The following SEPHS1 variants were observed in gnomAD, a reference collection of about 807,000 sequenced individuals.
The protein encoded by SEPHS1 is zincore component SEPHS1.
In SEPHS1, 7 loss-of-function variants were observed where a neutral mutation model predicts 39.2. The ratio of observed to expected loss-of-function variants is 0.18; its 90% CI spans 0.10 to 0.34. The LOEUF is 0.34. Among genes scored for constraint, SEPHS1 ranks in the 10% least tolerant of loss-of-function variants. The pLI is 1.00. For missense variants in SEPHS1, 253 were observed against 514.5 expected (o/e 0.49, Z 4.92); for synonymous variants, 190 against 195.5 (o/e 0.97, Z 0.23).
chr10:13,344,875 G>T lies in SEPHS1; in HGVS notation c.76C>A (p.Leu26Met). The change falls in exon 2 of 9, where the codon CTG becomes ATG. Residue 26 changes from leucine to methionine, a missense_variant. Transcript: ENST00000327347. ...KSFRLTRFTE[L>M]KGTGCKVPQD... Reference sequence around the variant, plus strand: ...GGCACTTTGCAGCCTGTGCCCTTCAGTTCAGTGAATCTGGTTAGCCGGAAG... The same window carrying T: ...GGCACTTTGCAGCCTGTGCCCTTCATTTCAGTGAATCTGGTTAGCCGGAAG... 6.2e-7 allele frequency: 1 copy of T among 1,606,260 alleles called. No homozygotes were observed. The highest frequency in any genetic ancestry group is 8.5e-7 in the Non-Finnish European group (1 of 1,176,176).
chr10:13,334,769 A>G (rs548496563), intron 4 of SEPHS1, among the ~76,000 whole-genome samples: 1 of 152,330 alleles, frequency 6.6e-6, no homozygotes, highest in Non-Finnish European at 1.5e-5. Flanking sequence ...ATTTTATCCA[A>G]TGCTGGAAGA....
At chr10:13,329,667 C>A in intron 6 of SEPHS1, 31 bp downstream of exon 6, 2 of 1,519,862 alleles carry the variant, frequency 1.3e-6, no homozygotes, top group East Asian at 2.3e-5. Flanking sequence ...TACCATTCCC[C>A]TCCCTCCCAT....
chr10:13,345,068 T>C (rs1397768901), intron 1 of SEPHS1, 40 bp from the exon 2 acceptor site: 6 of 921,230 alleles, frequency 6.5e-6, no homozygotes, highest in Non-Finnish European at 9.3e-6. Context: ...TGAAAAGAAT[T>C]CCCACTGGGA....
At chr10:13,342,290 T>C (rs1193897332) in intron 2 of SEPHS1, among the ~76,000 whole-genome samples, 1 of 110,560 alleles carries the variant, frequency 9.0e-6, no homozygotes, top group East Asian at 2.8e-4. Context: ...GTTAAAAAAA[T>C]AAACATACAG....
intron 7 of SEPHS1, 61 bp from the exon 8 acceptor site, chr10:13,323,108 G>A (rs1169417822): frequency 3.7e-6 from 5 of 1,361,434 alleles, no homozygotes; most frequent in Middle Eastern, 1.8e-4. Context: ...AAAATCTTAC[G>A]TCCACAATTA....
In SEPHS1 at chr10:13,320,398, G is replaced by A. The variant is rs546765050; in HGVS notation, c.965-1042C>T. Reference sequence around the variant, plus strand: ...GGGTTTCACCGTGTTAGCCAGGATGGTCTCGATCTCCTGACCTCGTGATCC... The same window carrying A: ...GGGTTTCACCGTGTTAGCCAGGATGATCTCGATCTCCTGACCTCGTGATCC... On this transcript the variant is annotated intron_variant, in intron 8 of 8. Transcript: ENST00000327347. Among the ~76,000 whole-genome samples, 369 of 151,786 alleles carry A rather than the reference G, an allele frequency of 2.4e-3. 1 individual carries two copies. Among genetic ancestry groups the A allele is most frequent in the Non-Finnish European group, 4.9e-3 (335 of 67,888 alleles).
rs763913646 is a variant in SEPHS1, at chr10:13,344,731, CCAT to C, written c.193+24_193+26del. 222 of 1,431,844 alleles carry C rather than the reference CCAT, an allele frequency of 1.6e-4. 2 individuals carry two copies. In the South Asian group the frequency reaches 1.7e-3, roughly 11 times the overall value. 88.7% of individuals were successfully genotyped at this position (1,431,844 alleles called of 1,614,324 possible). A position where few individuals can be genotyped will look rare whatever the true frequency, so the allele number is the denominator to read the frequency against. ...TTTGACTCACTGATTGGATCGCAGACCATCAAAGAAACACTGGGTTACCTACCA... is the reference window on the plus strand; with the variant it reads ...TTTGACTCACTGATTGGATCGCAGACCAAAGAAACACTGGGTTACCTACCA... On this transcript the variant is annotated intron_variant, in intron 2 of 8. Transcript: ENST00000327347.
Position 13,348,233 on chromosome 10 carries a change from G to C in SEPHS1, c.-312C>G, listed in dbSNP as rs1219521809. Reference sequence around the variant, plus strand: ...GCTCCCGCCGGCTGGGCGCGCGGGGGTCCTTTAAGGCCGGCCACCTCCCTT... The same window carrying C: ...GCTCCCGCCGGCTGGGCGCGCGGGGCTCCTTTAAGGCCGGCCACCTCCCTT... On this transcript the variant is annotated 5_prime_UTR_variant, in exon 1 of 9. Coordinates refer to ENST00000327347, the MANE Select transcript of SEPHS1 (RefSeq NM_012247.5). 6.8e-6 allele frequency: 1 copy of C among 147,874 alleles called. No homozygotes were observed. Among genetic ancestry groups the C allele is most frequent in the East Asian group, 2.0e-4 (1 of 4,942 alleles). 9.2% of individuals were successfully genotyped at this position (147,874 alleles called of 1,614,324 possible). A position where few individuals can be genotyped will look rare whatever the true frequency, so the allele number is the denominator to read the frequency against.
rs570390455 is a variant in SEPHS1 at position 13,333,330 on chromosome 10, T to C, written c.560+487A>G. ...GTATTTTTAGTAGAGATGGGGTTTC[T>C]CCATGTTGGTCAGGCTGGTCTCAAA... On this transcript the variant is annotated intron_variant, in intron 5 of 8. Transcript: ENST00000327347. Among the ~76,000 whole-genome samples, 388 of 151,730 alleles carry C rather than the reference T, an allele frequency of 2.6e-3. 1 individual carries two copies. The highest frequency in any genetic ancestry group is 8.8e-3 in the African/African-American group (364 of 41,320).
rs773102827 is a variant in SEPHS1 at position 13,322,824 on chromosome 10, G to C, written c.964+11C>G. The C allele has an allele frequency of 6.2e-7, 1 of 1,611,492 alleles. No individual in the cohort carries two copies. The highest frequency in any genetic ancestry group is 1.3e-5 in the African/African-American group (1 of 74,980). On this transcript the variant is annotated intron_variant, in intron 8 of 8. Coordinates refer to ENST00000327347, the MANE Select transcript of SEPHS1 (RefSeq NM_012247.5). ...ACTATTTAGTCCTCAGATGCGCCCA[G>C]CATCCTGTACCTGAAGTCTCCGGGC...
intron 3 of SEPHS1, among the ~76,000 whole-genome samples, 155 bp downstream of exon 3, chr10:13,338,550 C>T (rs1313647283): frequency 6.6e-6 from 1 of 152,208 alleles, no homozygotes; most frequent in Non-Finnish European, 1.5e-5. Context: ...GGCCTGACTT[C>T]AGCAACTGCA....
intron 4 of SEPHS1, 128 bp downstream of exon 4, chr10:13,336,115 C>T: frequency 1.7e-6 from 1 of 584,956 alleles, no homozygotes; most frequent in Non-Finnish European, 3.0e-6. Flanking sequence ...AGTGGAGAGC[C>T]AGAAGGAGTG....
chr10:13,337,662 G>A (rs1250998117), intron 3 of SEPHS1, among the ~76,000 whole-genome samples: 1 of 152,156 alleles, frequency 6.6e-6, no homozygotes, highest in South Asian at 2.1e-4. Context: ...TTAGGGGGGT[G>A]GTGATTTAGC....
intron 1 of SEPHS1, chr10:13,347,492 CCGGCGGGAGG>C (rs1226081016): frequency 1.4e-5 from 2 of 147,784 alleles, no homozygotes; most frequent in Non-Finnish European, 3.0e-5. Context: ...CCTGTTCGGG[CCGGCGGGAGG>C]CGGCGGGAGC....
Position 13,318,558 on chromosome 10 carries a change from G to C in SEPHS1, c.*584C>G, listed in dbSNP as rs1833010823. 6.6e-6 allele frequency: 1 copy of C among 152,556 alleles called. No homozygotes were observed. Among genetic ancestry groups the C allele is most frequent in the Non-Finnish European group, 1.5e-5 (1 of 68,046 alleles). 9.5% of individuals were successfully genotyped at this position (152,556 alleles called of 1,614,324 possible). A position where few individuals can be genotyped will look rare whatever the true frequency, so the allele number is the denominator to read the frequency against. On this transcript the variant is annotated 3_prime_UTR_variant, in exon 9 of 9. Transcript: ENST00000327347. ...TTCAAAGTGTTTTCCATGCAATGAA[G>C]CACTTGCTGTGTTGAACTGAATGCA...
At chr10:13,335,050 A>G (rs1194111115) in intron 4 of SEPHS1, among the ~76,000 whole-genome samples, 1 of 152,266 alleles carries the variant, frequency 6.6e-6, no homozygotes, top group Non-Finnish European at 1.5e-5. Context: ...GTTCAAGGGC[A>G]GGAAAGAGCC....
intron 2 of SEPHS1, among the ~76,000 whole-genome samples, chr10:13,344,485 A>G (rs181926377): frequency 2.9e-4 from 44 of 152,260 alleles, no homozygotes; most frequent in African/African-American, 9.6e-4. Flanking sequence ...CATAGCAATC[A>G]TAACATTGAT....
intron 4 of SEPHS1, among the ~76,000 whole-genome samples, chr10:13,334,723 A>G (rs184065972): frequency 1.7e-3 from 265 of 152,332 alleles, no homozygotes; most frequent in African/African-American, 6.1e-3. Flanking sequence ...AAAAACAAAC[A>G]AAAACAAAAG....
intron 8 of SEPHS1, among the ~76,000 whole-genome samples, chr10:13,320,260 C>T (rs996705245): frequency 6.6e-6 from 1 of 151,794 alleles, no homozygotes; most frequent in African/African-American, 2.4e-5. Flanking sequence ...CGGCTCACTG[C>T]AAGCTCCACC....
Sources: allele counts gnomAD v4.1 joint callset (sites outside exome capture counted in the v4.1 genomes callset), GRCh38; gene constraint gnomAD v4.1.1; transcripts MANE v1.5; gene names NCBI Gene and HGNC (gene_info 2026-07-23, HGNC 2026-07-21).